Variants in ASCC3 observed in about 807,000 individuals in gnomAD.
ASCC3 encodes the protein ASC-1 complex subunit P200.
In ASCC3, 158 loss-of-function variants were observed where a neutral mutation model predicts 256.3. That is an observed-to-expected ratio of 0.62 (90% CI 0.54 to 0.70). The LOEUF (loss-of-function observed/expected upper bound fraction) is 0.70, where lower values mean the gene tolerates loss of function less well. Among genes scored for constraint, ASCC3 ranks in the 30% least tolerant of loss-of-function variants. The probability of loss-of-function intolerance (pLI) is 0.00; values close to 1 mark genes in which losing one functional copy is unlikely to be tolerated. For synonymous variants in ASCC3, 948 were observed against 883.4 expected (o/e 1.07, Z -1.30); for missense variants, 2,259 against 2,626.0 (o/e 0.86, Z 3.05).
chr6:100,606,240 A>C (rs1379191702), intron 32 of ASCC3, among the ~76,000 whole-genome samples: 1 of 152,194 alleles, frequency 6.6e-6, no homozygotes, highest in African/African-American at 2.4e-5. Context: ...GGAAATATAC[A>C]TTGAGTGTAT....
intron 13 of ASCC3, among the ~76,000 whole-genome samples, chr6:100,708,913 C>T (rs1472875888): frequency 6.6e-6 from 1 of 151,322 alleles, no homozygotes; most frequent in Non-Finnish European, 1.5e-5. Flanking sequence ...GTGTGCAATA[C>T]ATGTGTTATT....
chr6:100,755,677 T>C (rs1178069468), intron 10 of ASCC3, among the ~76,000 whole-genome samples: 1 of 152,160 alleles, frequency 6.6e-6, no homozygotes, highest in Non-Finnish European at 1.5e-5. Flanking sequence ...CAACCTGTTC[T>C]AGAGTATAAT....
chr6:100,786,277 C>T (rs1042507629), intron 8 of ASCC3, among the ~76,000 whole-genome samples: 9 of 152,116 alleles, frequency 5.9e-5, no homozygotes, highest in Non-Finnish European at 7.4e-5. Context: ...TACACATGCT[C>T]ATGGTATGTC....
At chr6:100,757,955 C>CAA (rs1208907974) in intron 10 of ASCC3, among the ~76,000 whole-genome samples, 1 of 152,140 alleles carries the variant, frequency 6.6e-6, no homozygotes, top group African/African-American at 2.4e-5. Context: ...CAACACCAGC[C>CAA]AAACACCACA....
chr6:100,850,036 G>GTC (rs1772583525), intron 3 of ASCC3, among the ~76,000 whole-genome samples: 1 of 143,128 alleles, frequency 7.0e-6, no homozygotes, highest in East Asian at 2.1e-4. Flanking sequence ...GGAGGCGGAG[G>GTC]TTGCAGTGAG....
intron 3 of ASCC3, among the ~76,000 whole-genome samples, chr6:100,850,098 C>CAAAAAAAAAAAAAAAAAAAAAAAAAAAAA (rs61582863): frequency 1.2e-5 from 1 of 80,612 alleles, no homozygotes; most frequent in Non-Finnish European, 2.4e-5. Context: ...GAGACTCTAT[C>CAAAAAAAAAAAAAAAAAAAAAAAAAAAAA]AAAAAAAAAA....
At chr6:100,787,035 G>A (rs1468866478) in intron 8 of ASCC3, among the ~76,000 whole-genome samples, 2 of 152,092 alleles carry the variant, frequency 1.3e-5, no homozygotes, top group Non-Finnish European at 2.9e-5. Flanking sequence ...AGACCCTAAG[G>A]TAAGCCCAAA....
intron 36 of ASCC3, among the ~76,000 whole-genome samples, chr6:100,573,770 A>C (rs1438906765): frequency 2.0e-5 from 3 of 152,178 alleles, no homozygotes; most frequent in Non-Finnish European, 4.4e-5. Context: ...TATTTTGCCA[A>C]ATAATTCCTA....
At chr6:100,820,430 G>A (rs925445954) in intron 4 of ASCC3, among the ~76,000 whole-genome samples, 2 of 152,154 alleles carry the variant, frequency 1.3e-5, no homozygotes, top group Non-Finnish European at 2.9e-5. Context: ...CAACTGGCCA[G>A]TGATGTACAA....
intron 13 of ASCC3, among the ~76,000 whole-genome samples, chr6:100,709,866 T>G (rs1282477176): frequency 2.6e-5 from 4 of 152,148 alleles, no homozygotes; most frequent in Non-Finnish European, 5.9e-5. Flanking sequence ...AATAGAAAAC[T>G]ATAAACAATT....
chr6:100,681,386 C>T (rs1379710938), intron 13 of ASCC3, among the ~76,000 whole-genome samples: 4 of 152,022 alleles, frequency 2.6e-5, no homozygotes, highest in Non-Finnish European at 4.4e-5. Context: ...TATCAGAGCT[C>T]TAACTTATTT....
chr6:100,696,197 CAT>C (rs1778074004), intron 13 of ASCC3, among the ~76,000 whole-genome samples: 1 of 152,202 alleles, frequency 6.6e-6, no homozygotes, highest in South Asian at 2.1e-4. Context: ...AATATAGACA[CAT>C]AATTTTTCTT....
chr6:100,646,769 C>A lies in ASCC3; in HGVS notation c.3479G>T (p.Gly1160Val). The A allele has an allele frequency of 3.1e-6, 5 of 1,613,448 alleles. No homozygotes were observed. Among genetic ancestry groups the A allele is most frequent in the Non-Finnish European group, 4.2e-6 (5 of 1,179,602 alleles). Residue 1160 changes from glycine (G) to valine (V), a missense_variant and splice_region_variant, in exon 22 of 42, where the codon GGT (glycine) becomes GTT (valine). Transcript: ENST00000369162. Reference protein sequence around the residue: ...KLKDMRKDEIGHILHHVNIGL... With the variant: ...KLKDMRKDEIVHILHHVNIGL... ...AATATTCACATGATGTAAAATGTGA[C>A]CTGCAAGAAAAATATCACATAGAAG...
At chr6:100,706,424 T>C (rs1176774024) in intron 13 of ASCC3, among the ~76,000 whole-genome samples, 1 of 151,238 alleles carries the variant, frequency 6.6e-6, no homozygotes, top group Non-Finnish European at 1.5e-5. Context: ...CACTACAGCT[T>C]AGTTAAGGTC....
chr6:100,586,738 A>G (rs936758172), intron 36 of ASCC3, among the ~76,000 whole-genome samples: 6 of 151,974 alleles, frequency 3.9e-5, no homozygotes, highest in Non-Finnish European at 8.8e-5. Context: ...TCCTCCCCCT[A>G]CATCAGATCC....
At chr6:100,868,663 A>T (rs1357867631) in intron 1 of ASCC3, among the ~76,000 whole-genome samples, 1 of 152,276 alleles carries the variant, frequency 6.6e-6, no homozygotes, top group Non-Finnish European at 1.5e-5. Context: ...CATGACAGAA[A>T]GATCTCTATT....
At chr6:100,653,180 A>T (rs765921745) in intron 17 of ASCC3, among the ~76,000 whole-genome samples, 21 of 152,200 alleles carry the variant, frequency 1.4e-4, no homozygotes, top group Non-Finnish European at 2.6e-4. Context: ...AAAATCACAA[A>T]GATTAAAAAT....
At chr6:100,749,764 A>T (rs1336245) in intron 10 of ASCC3, among the ~76,000 whole-genome samples, 73,127 of 151,514 alleles carry the variant, frequency 0.48, 17,673 homozygotes, top group South Asian at 0.68. Flanking sequence ...AAGCACAACT[A>T]ATTTCCTTTA....
At chr6:100,610,008 C>T (rs1773312250) in intron 30 of ASCC3, among the ~76,000 whole-genome samples, 2 of 152,148 alleles carry the variant, frequency 1.3e-5, no homozygotes, top group Non-Finnish European at 2.9e-5. Context: ...TAAGGAAGTT[C>T]TTTCCGGGAA....
Sources: allele counts gnomAD v4.1 joint callset (sites outside exome capture counted in the v4.1 genomes callset), GRCh38; gene constraint gnomAD v4.1.1; transcripts MANE v1.5; gene names NCBI Gene and HGNC (gene_info 2026-07-23, HGNC 2026-07-21).